The following TMEM150B variants were observed in gnomAD, a reference collection of about 807,000 sequenced individuals.
The protein encoded by TMEM150B is modulator of macroautophagy TMEM150B.
A neutral mutation model predicts 25.2 loss-of-function variants in TMEM150B; 33 were observed. That is an observed-to-expected ratio of 1.31 (90% CI 0.99 to 1.75). TMEM150B has a LOEUF of 1.75. TMEM150B is among the 40% of genes most tolerant of loss of function. TMEM150B has a pLI of 0.00. For synonymous variants in TMEM150B, 133 were observed against 134.8 expected (o/e 0.99, Z 0.09); for missense variants, 322 against 306.1 (o/e 1.05, Z -0.39).
chr19:55,316,714 G>C, intron 7 of TMEM150B, 72 bp downstream of exon 7: 1 of 1,351,116 alleles, frequency 7.4e-7, no homozygotes, highest in Admixed American at 3.7e-5. Context: ...CCCAGTGACA[G>C]ACAGCCAGGC....
At chr19:55,322,071 C>T (rs150945767) in intron 2 of TMEM150B, among the ~76,000 whole-genome samples, 20 of 152,314 alleles carry the variant, frequency 1.3e-4, no homozygotes, top group Non-Finnish European at 2.8e-4. Flanking sequence ...TCTCTCCCAA[C>T]AGCCATCTTC....
At chr19:55,324,811 T>A in intron 1 of TMEM150B, 1 of 985,426 alleles carries the variant, frequency 1.0e-6, no homozygotes, top group Non-Finnish European at 1.2e-6. Context: ...TCCGGAGGTC[T>A]CCGTTTGCCC....
In TMEM150B at chr19:55,320,439, G is replaced by T. The variant is rs369382915; in HGVS notation, c.148C>A (p.Pro50Thr). 7.9e-5 allele frequency: 125 copies of T among 1,588,938 alleles called. No individual in the cohort carries two copies. Among genetic ancestry groups the T allele is most frequent in the African/African-American group, 5.7e-4 (42 of 74,278 alleles). The part of the protein sequence containing the change: ...PYISICGSFP[P>T]QSCIFSQVLN... ...ACCTGGCTGAAGATGCAGCTCTGAGGGGGGAAGGATCCGCAGATGCTGGGG... is the reference window on the plus strand; with the variant it reads ...ACCTGGCTGAAGATGCAGCTCTGAGTGGGGAAGGATCCGCAGATGCTGGGG... The change falls in exon 5 of 8, where the codon CCT (proline) becomes ACT (threonine). Residue 50 changes from proline to threonine, a missense_variant. Pro to Thr is a conservative substitution (Grantham distance 38). Coordinates refer to ENST00000326652, the MANE Select transcript of TMEM150B (RefSeq NM_001282011.2).
At chr19:55,316,308 C>T (rs992168311) in intron 7 of TMEM150B, among the ~76,000 whole-genome samples, 1 of 152,036 alleles carries the variant, frequency 6.6e-6, no homozygotes, top group African/African-American at 2.4e-5. Flanking sequence ...GAACCTCACG[C>T]GCATCCTGGC....
chr19:55,316,358 C>A (rs941220847), intron 7 of TMEM150B, among the ~76,000 whole-genome samples: 14 of 112,820 alleles, frequency 1.2e-4, no homozygotes, highest in Non-Finnish European at 2.5e-4. Flanking sequence ...TCACTCGTAA[C>A]CACATGATTC....
chr19:55,314,551 C>T (rs73935346), intron 7 of TMEM150B, among the ~76,000 whole-genome samples: 174 of 152,256 alleles, frequency 1.1e-3, no homozygotes, highest in African/African-American at 4.0e-3. Context: ...TCTTTACAGA[C>T]GTCCATCCCT....
At chr19:55,324,348 C>CA (rs976989733) in intron 1 of TMEM150B, among the ~76,000 whole-genome samples, 18 of 149,280 alleles carry the variant, frequency 1.2e-4, no homozygotes, top group East Asian at 6.1e-4. Flanking sequence ...ACTAAAAATA[C>CA]AAAAAAAAAT....
At chr19:55,317,045 C>T (rs1253739892) in intron 6 of TMEM150B, 79 bp from the exon 7 acceptor site, 13 of 1,370,432 alleles carry the variant, frequency 9.5e-6, no homozygotes, top group East Asian at 5.0e-5. Flanking sequence ...GGGCCCTTCA[C>T]CAATGCAGTA....
At chr19:55,313,080 T>C (rs1411840099) in intron 7 of TMEM150B, 25 bp from the exon 8 acceptor site, 3 of 1,591,286 alleles carry the variant, frequency 1.9e-6, no homozygotes. Flanking sequence ...AGGGCCACAC[T>C]GCTACCGTGA....
At chr19:55,317,499 G>C (rs1329923280) in intron 6 of TMEM150B, among the ~76,000 whole-genome samples, 2 of 151,974 alleles carry the variant, frequency 1.3e-5, no homozygotes, top group Non-Finnish European at 2.9e-5. Context: ...TACAAATATT[G>C]CCAGGCATAG....
At chr19:55,320,847 C>T in intron 3 of TMEM150B, 122 bp downstream of exon 3, 1 of 1,308,202 alleles carries the variant, frequency 7.6e-7, no homozygotes, top group Admixed American at 2.6e-5. Flanking sequence ...AGGCCTCCAG[C>T]TCCTCCTCCC....
rs746752433 is a variant in TMEM150B, at chr19:55,313,060, C to CCCA, written c.506-8_506-6dup. ...AGCAGGCGTGGAGGACGATCACTGC[C>CCCA]CCAGGGTCAAGGGCCACACTGCTAC... is the stretch of plus-strand genomic sequence containing the variant. On this transcript the variant is annotated splice_polypyrimidine_tract_variant and splice_region_variant and intron_variant, in intron 7 of 7. Coordinates refer to ENST00000326652, the MANE Select transcript of TMEM150B (RefSeq NM_001282011.2). The CCCA allele has an allele frequency of 1.2e-6, 2 of 1,606,528 alleles. No homozygotes were observed. Among genetic ancestry groups the CCCA allele is most frequent in the African/African-American group, 2.7e-5 (2 of 74,790 alleles).
At position 55,324,982 on chromosome 19, in the gene TMEM150B, A is replaced by T. The variant is rs572410359; in HGVS notation, c.-154+290T>A. 5.0e-6 allele frequency: 3 copies of T among 597,702 alleles called. No homozygotes were observed. In the African/African-American group the frequency reaches 6.0e-5, roughly 12 times the overall value. The allele number at this position is 597,702 out of a possible 1,614,324, so 37.0% of individuals were successfully genotyped here. ...GCTACCTGCTCCTCCGTCGGCCCTCAACACTGATCTCCTGCCCTGCCCTGT... is the reference window on the plus strand; with the variant it reads ...GCTACCTGCTCCTCCGTCGGCCCTCTACACTGATCTCCTGCCCTGCCCTGT... On this transcript the variant is annotated intron_variant, in intron 1 of 7. Coordinates refer to ENST00000326652, the MANE Select transcript of TMEM150B (RefSeq NM_001282011.2).
intron 7 of TMEM150B, among the ~76,000 whole-genome samples, chr19:55,314,353 G>A (rs2088923948): frequency 6.6e-6 from 1 of 152,134 alleles, no homozygotes; most frequent in African/African-American, 2.4e-5. Flanking sequence ...ATCACCCCCA[G>A]GCAGAAACCC....
At chr19:55,322,815 C>T (rs2089241727) in intron 1 of TMEM150B, 72 bp from the exon 2 acceptor site, 1 of 798,994 alleles carries the variant, frequency 1.3e-6, no homozygotes. Context: ...TAACGGCTCT[C>T]TGTCCCCAAA....
chr19:55,322,048 A>G (rs1017622740), intron 2 of TMEM150B, among the ~76,000 whole-genome samples: 1 of 151,942 alleles, frequency 6.6e-6, no homozygotes. Flanking sequence ...CTGCCGCCTG[A>G]CCCTTTTCCT....
At chr19:55,314,916 C>T (rs903166480) in intron 7 of TMEM150B, among the ~76,000 whole-genome samples, 8 of 152,204 alleles carry the variant, frequency 5.3e-5, no homozygotes, top group African/African-American at 1.9e-4. Flanking sequence ...TCTGTACTCT[C>T]TTCTGAATGC....
At position 55,320,623 on chromosome 19, in the gene TMEM150B, G is replaced by T; in HGVS notation, c.69-6C>A. ...TGGTCACTGCAATGGCAAAACTACGGAGGAAATCAGAGTGAGTGGGCGACT... is the reference window on the plus strand; with the variant it reads ...TGGTCACTGCAATGGCAAAACTACGTAGGAAATCAGAGTGAGTGGGCGACT... On this transcript the variant is annotated splice_region_variant and splice_polypyrimidine_tract_variant and intron_variant, in intron 3 of 7. Transcript: ENST00000326652. 2 of 1,612,774 alleles carry T rather than the reference G, an allele frequency of 1.2e-6. No homozygotes were observed. Among genetic ancestry groups the T allele is most frequent in the Non-Finnish European group, 1.7e-6 (2 of 1,179,036 alleles).
rs1229892925 is a variant in TMEM150B, at chr19:55,312,900, G to C, written c.661C>G (p.Pro221Ala). ...AGGGAGATGGGGGAGGCCGGCGGGG[G>C]GCTGAGGCTGGGCCACGGCTGAACA... Reference protein sequence around the residue: ...LCVQPWPSLSPPPASPISLPV... With the variant: ...LCVQPWPSLSAPPASPISLPV... The change falls in exon 8 of 8, where the codon CCC (proline) becomes GCC (alanine). Residue 221 changes from proline to alanine, a missense_variant. Coordinates refer to ENST00000326652, the MANE Select transcript of TMEM150B (RefSeq NM_001282011.2). 1.9e-6 allele frequency: 3 copies of C among 1,604,860 alleles called. No individual in the cohort carries two copies. The highest frequency in any genetic ancestry group is 1.7e-5 in the Admixed American group (1 of 58,842).
Sources: allele counts gnomAD v4.1 joint callset (sites outside exome capture counted in the v4.1 genomes callset), GRCh38; gene constraint gnomAD v4.1.1; transcripts MANE v1.5; gene names NCBI Gene and HGNC (gene_info 2026-07-23, HGNC 2026-07-21).